The following RAB41 variants were observed in gnomAD, a reference collection of about 807,000 sequenced individuals.
The protein encoded by RAB41 is RAB41, member RAS oncogene family.
RAB41 carries 15 observed loss-of-function variants against 19.0 expected under a neutral mutation model. The observed-to-expected ratio is 0.79, with a 90% CI of 0.53 to 1.21. The LOEUF is 1.21. Among genes scored for constraint, RAB41 ranks in the 50% most tolerant of loss-of-function variants. RAB41 has a pLI of 0.00. For missense variants in RAB41, 177 were observed against 179.7 expected (o/e 0.99, Z 0.09); for synonymous variants, 73 against 64.7 (o/e 1.13, Z -0.62).
chrX:70,284,704 T>G lies in RAB41; in HGVS notation c.*61T>G. ...CTTACATTTGGGCTTGCCATACCAG[T>G]TCTCCTCCCCACCTCGTTTTATGAT... On this transcript the variant is annotated 3_prime_UTR_variant, in exon 8 of 8. Transcript: ENST00000374473. 3 of 941,480 alleles carry G rather than the reference T, an allele frequency of 3.2e-6. No individual in the cohort carries two copies. Among genetic ancestry groups the G allele is most frequent in the Non-Finnish European group, 4.6e-6 (3 of 650,561 alleles). The allele number at this position is 941,480 out of a possible 1,213,427, so 77.6% of individuals were successfully genotyped here. A position where few individuals can be genotyped will look rare whatever the true frequency, so the allele number is the denominator to read the frequency against.
intron 5 of RAB41, 103 bp from the exon 6 acceptor site, chrX:70,283,847 A>G: frequency 8.3e-6 from 5 of 602,902 alleles, no homozygotes; most frequent in Non-Finnish European, 1.4e-5. Flanking sequence ...CATGGGTTTA[A>G]GGCTTCTAGG....
At position 70,284,722 on chromosome X, in the gene RAB41, T is replaced by C; in HGVS notation, c.*79T>C. 1 of 785,230 alleles carries C rather than the reference T, an allele frequency of 1.3e-6. No individual in the cohort carries two copies. Among genetic ancestry groups the C allele is most frequent in the Non-Finnish European group, 2.0e-6 (1 of 510,848 alleles). 64.7% of individuals were successfully genotyped at this position (785,230 alleles called of 1,213,427 possible). A position where few individuals can be genotyped will look rare whatever the true frequency, so the allele number is the denominator to read the frequency against. On this transcript the variant is annotated 3_prime_UTR_variant, in exon 8 of 8. Transcript: ENST00000374473. ...ATACCAGTTCTCCTCCCCACCTCGT[T>C]TTATGATACATGGCCACTTACTCTC...
In RAB41 at chrX:70,283,192, T is replaced by C. The variant is rs1376383253; in HGVS notation, c.238-76T>C. ...CCTGACCTTTTGTATTCTGCCTTTA[T>C]TAGGTTTGAGCTTTTTAAAAAGGCT... On this transcript the variant is annotated intron_variant, in intron 3 of 7. Transcript: ENST00000374473. 5.4e-5 allele frequency: 47 copies of C among 868,452 alleles called. 2 individuals carry two copies. The highest frequency in any genetic ancestry group is 4.3e-4 in the South Asian group (19 of 44,285). The allele number at this position is 868,452 out of a possible 1,213,427, so 71.6% of individuals were successfully genotyped here.
chrX:70,282,908 T>G, intron 3 of RAB41, 53 bp downstream of exon 3: 16 of 964,410 alleles, frequency 1.7e-5, no homozygotes, highest in Non-Finnish European at 2.4e-5. Flanking sequence ...CTTAGGCCTA[T>G]TCATCACAGT....
At chrX:70,283,769 C>T (rs953555677) in intron 5 of RAB41, 145 bp downstream of exon 5, 66 of 539,269 alleles carry the variant, frequency 1.2e-4, no homozygotes, top group Non-Finnish European at 2.0e-4. Context: ...GACAGGGGGG[C>T]GTCCCATCAG....
At position 70,282,831 on chromosome X, in the gene RAB41, G is replaced by T. The variant is rs760034226; in HGVS notation, c.213G>T (p.Lys71Asn). The T allele has an allele frequency of 1.1e-5, 13 of 1,208,494 alleles. No individual in the cohort carries two copies. Among genetic ancestry groups the T allele is most frequent in the South Asian group, 7.0e-5 (4 of 56,754 alleles). ...CTGTTGGAATTGACTTCTTGTCTAA[G>T]ACCATGTACTTGGAGGACCAAATAG... ...QATVGIDFLS[K>N]TMYLEDQIVQ... The change falls in exon 3 of 8, where the codon AAG (lysine) becomes AAT (asparagine). Residue 71 changes from lysine to asparagine, a missense_variant. Transcript: ENST00000374473.
chrX:70,284,093 T>C, intron 6 of RAB41, 50 bp downstream of exon 6: 3 of 989,457 alleles, frequency 3.0e-6, no homozygotes, highest in Admixed American at 2.2e-5. Flanking sequence ...TGTCTGTAGC[T>C]ACTACTACTG....
At position 70,284,605 on chromosome X, in the gene RAB41, G is replaced by A. The variant is rs758796462; in HGVS notation, c.631G>A (p.Glu211Lys). Reference protein sequence around the residue: ...PKEGTVEIELESFEESGNRSY... With the variant: ...PKEGTVEIELKSFEESGNRSY... ...CACTTCAGCGGTTGAAATCGAACTG[G>A]AATCCTTCGAGGAGTCAGGCAACAG... Residue 211 changes from glutamate (E) to lysine (K), a missense_variant, in exon 8 of 8, where the codon GAA (glutamate) becomes AAA (lysine). By Grantham distance (56) the Glu-to-Lys change is moderately conservative. Transcript: ENST00000374473. 58 of 1,207,878 alleles carry A rather than the reference G, an allele frequency of 4.8e-5. 1 individual carries two copies. In the Admixed American group the frequency reaches 1.2e-3, roughly 25 times the overall value.
chrX:70,283,819 C>T, intron 5 of RAB41, 131 bp from the exon 6 acceptor site: 1 of 539,983 alleles, frequency 1.9e-6, no homozygotes. Flanking sequence ...AGAGTCCCCA[C>T]CCTGTAGTCA....
intron 3 of RAB41, 59 bp from the exon 4 acceptor site, chrX:70,283,209 A>C: frequency 2.0e-6 from 2 of 1,006,372 alleles, no homozygotes; most frequent in Non-Finnish European, 2.8e-6. Context: ...TGAGCTTTTT[A>C]AAAAGGCTAG....
In RAB41 at chrX:70,282,537, G is replaced by A. The variant is rs1380608290; in HGVS notation, c.129G>A (p.Gly43=). 1 of 1,210,991 alleles carries A rather than the reference G, an allele frequency of 8.3e-7. No homozygotes were observed. Among genetic ancestry groups the A allele is most frequent in the African/African-American group, 1.7e-5 (1 of 57,712 alleles). ...KLLFLGEQSV[G]KTSIISRFMY... ...GCCTGCTTATCTCCCTCACAGTAGG[G>A]AAGACATCCATCATCAGCCGCTTCA... Residue 43 remains glycine, a synonymous_variant, in exon 2 of 8, where the codon GGG becomes GGA. Coordinates refer to ENST00000374473, the MANE Select transcript of RAB41 (RefSeq NM_001363807.1).
intron 5 of RAB41, 66 bp downstream of exon 5, chrX:70,283,690 T>C (rs1337522919): frequency 2.5e-6 from 2 of 788,447 alleles, no homozygotes; most frequent in African/African-American, 4.1e-5. Flanking sequence ...GGGTCAACTG[T>C]CCTCTATTTA....
chrX:70,284,444 C>T, intron 7 of RAB41, 115 bp downstream of exon 7: 1 of 958,209 alleles, frequency 1.0e-6, no homozygotes, highest in East Asian at 3.1e-5. Flanking sequence ...TAACTTTAGC[C>T]CAAAGTAGTT....
Position 70,283,682 on chromosome X carries a change from GTCAAC to G in RAB41, c.455+60_455+64del, listed in dbSNP as rs1172136722. 3 of 833,086 alleles carry G rather than the reference GTCAAC, an allele frequency of 3.6e-6. No individual in the cohort carries two copies. The African/African-American group carries it at 6.1e-5, about 17-fold the overall frequency. The allele number at this position is 833,086 out of a possible 1,213,427, so 68.7% of individuals were successfully genotyped here. On this transcript the variant is annotated intron_variant, in intron 5 of 7. Transcript: ENST00000374473. ...CTAAAATTCAGTCTCTATGGGGAGGGTCAACTGTCCTCTATTTACTTGGGGAGGAG... is the reference window on the plus strand; with the variant it reads ...CTAAAATTCAGTCTCTATGGGGAGGGTGTCCTCTATTTACTTGGGGAGGAG...
In RAB41 at chrX:70,283,508, T is replaced by G; in HGVS notation, c.344-5T>G. 1 of 1,186,111 alleles carries G rather than the reference T, an allele frequency of 8.4e-7. No homozygotes were observed. Among genetic ancestry groups the G allele is most frequent in the South Asian group, 1.8e-5 (1 of 56,409 alleles). On this transcript the variant is annotated splice_polypyrimidine_tract_variant and splice_region_variant and intron_variant, in intron 4 of 7. Transcript: ENST00000374473. ...TTCAACGCTCTGGAACATATTCTCT[T>G]GCAGACATCAATTCTTTTAAGGAGA...
intron 1 of RAB41, 68 bp downstream of exon 1, chrX:70,282,409 C>G: frequency 8.5e-7 from 1 of 1,181,423 alleles, no homozygotes; most frequent in Non-Finnish European, 1.2e-6. Flanking sequence ...GGGGCATTCT[C>G]TGGGGAACCG....
rs936944624 is a variant in RAB41 at position 70,284,893 on chromosome X, T to C, written c.*250T>C. 9.9e-6 allele frequency: 4 copies of C among 404,473 alleles called. No individual in the cohort carries two copies. The highest frequency in any genetic ancestry group is 1.7e-5 in the Non-Finnish European group (4 of 230,450). 33.3% of individuals were successfully genotyped at this position (404,473 alleles called of 1,213,427 possible). ...TTCTCCGACAGCTAAAAGACATCTG[T>C]AGAGAATACAGTTCTACAGCAGCTG... On this transcript the variant is annotated 3_prime_UTR_variant, in exon 8 of 8. Coordinates refer to ENST00000374473, the MANE Select transcript of RAB41 (RefSeq NM_001363807.1).
intron 5 of RAB41, 31 bp from the exon 6 acceptor site, chrX:70,283,919 T>C: frequency 9.7e-7 from 1 of 1,035,546 alleles, no homozygotes; most frequent in Non-Finnish European, 1.4e-6. Flanking sequence ...CCAATAACTC[T>C]GGCCCTTTTC....
At position 70,284,819 on chromosome X, in the gene RAB41, C is replaced by T. The variant is rs1199471; in HGVS notation, c.*176C>T. On this transcript the variant is annotated 3_prime_UTR_variant, in exon 8 of 8. Coordinates refer to ENST00000374473, the MANE Select transcript of RAB41 (RefSeq NM_001363807.1). ...ATCATTTTTTCCTGACCGCATCTCA[C>T]AGCTACTGGGTGGAAGCTTCTTGCA... 0.069 allele frequency: 31,370 copies of T among 455,929 alleles called. 2,133 individuals are homozygous for T. Among genetic ancestry groups the T allele is most frequent in the African/African-American group, 0.34 (13,867 of 40,957 alleles). 37.6% of individuals were successfully genotyped at this position (455,929 alleles called of 1,213,427 possible). A position where few individuals can be genotyped will look rare whatever the true frequency, so the allele number is the denominator to read the frequency against.
Sources: gnomAD v4.1 joint callset for allele counts on GRCh38, gnomAD v4.1.1 for gene constraint, MANE v1.5 for transcripts, NCBI Gene and HGNC (gene_info 2026-07-23, HGNC 2026-07-21) for gene names.